ARFGEF2: variants seen among roughly 807,000 people sequenced by gnomAD.
ARFGEF2 encodes brefeldin A-inhibited guanine nucleotide-exchange protein 2.
ARFGEF2 carries 74 observed loss-of-function variants against 219.9 expected under a neutral mutation model. The observed-to-expected ratio is 0.34, with a 90% CI of 0.28 to 0.41. ARFGEF2 has a LOEUF of 0.41. Among genes scored for constraint, ARFGEF2 ranks in the 10% least tolerant of loss-of-function variants. The probability of loss-of-function intolerance (pLI) is 1.00; values close to 1 mark genes in which losing one functional copy is unlikely to be tolerated. For missense variants in ARFGEF2, 1,743 were observed against 2,218.3 expected (o/e 0.79, Z 4.30); for synonymous variants, 733 against 799.2 (o/e 0.92, Z 1.40).
intron 16 of ARFGEF2, among the ~76,000 whole-genome samples, chr20:48,986,007 C>T (rs2091324618): frequency 6.6e-6 from 1 of 152,140 alleles, no homozygotes; most frequent in African/African-American, 2.4e-5. Flanking sequence ...TAATTGCATA[C>T]TGATGAGCAG....
At chr20:49,012,508 GTTTGTTTT>G (rs1184995660) in intron 28 of ARFGEF2, among the ~76,000 whole-genome samples, 4 of 152,018 alleles carry the variant, frequency 2.6e-5, no homozygotes, top group African/African-American at 9.7e-5. Context: ...TTGTTTGTTT[GTTTGTTTT>G]TTTGATGTGT....
At chr20:48,993,759 G>GGAC (rs2091370251) in intron 21 of ARFGEF2, among the ~76,000 whole-genome samples, 1 of 152,156 alleles carries the variant, frequency 6.6e-6, no homozygotes, top group South Asian at 2.1e-4. Flanking sequence ...GCACCCCTCA[G>GGAC]GACCAGGAGA....
At chr20:49,011,225 C>G (rs993290484) in intron 27 of ARFGEF2, among the ~76,000 whole-genome samples, 1 of 152,174 alleles carries the variant, frequency 6.6e-6, no homozygotes, top group African/African-American at 2.4e-5. Flanking sequence ...AACACACATA[C>G]AACAAGGTTA....
chr20:48,965,333 C>T (rs1321730976), intron 7 of ARFGEF2, among the ~76,000 whole-genome samples: 1 of 152,126 alleles, frequency 6.6e-6, no homozygotes, highest in East Asian at 1.9e-4. Flanking sequence ...ATAAATTTTT[C>T]TTAGAGTTTC....
intron 1 of ARFGEF2, among the ~76,000 whole-genome samples, chr20:48,939,526 C>G (rs2090981067): frequency 6.6e-6 from 1 of 152,070 alleles, no homozygotes; most frequent in Non-Finnish European, 1.5e-5. Flanking sequence ...TGGCTGCCAG[C>G]CTCATGGGCT....
intron 10 of ARFGEF2, among the ~76,000 whole-genome samples, chr20:48,971,683 T>C (rs761088062): frequency 1.3e-5 from 2 of 151,962 alleles, no homozygotes; most frequent in African/African-American, 2.4e-5. Context: ...GGGCGGATCA[T>C]GAGGTCAGGA....
intron 26 of ARFGEF2, among the ~76,000 whole-genome samples, chr20:49,006,877 G>GTTTTTTTTTTTTTTTTTT (rs763801014): frequency 6.8e-6 from 1 of 147,030 alleles, no homozygotes; most frequent in Non-Finnish European, 1.5e-5. Flanking sequence ...GCCGTTGGAG[G>GTTTTTTTTTTTTTTTTTT]TTTTTGTTTT....
chr20:48,995,821 G>A lies in ARFGEF2; in HGVS notation c.3160G>A (p.Ala1054Thr), dbSNP rs746141039. Residue 1054 changes from alanine to threonine, a missense_variant, in exon 23 of 39, where the codon GCC becomes ACC. By Grantham distance (58) the Ala-to-Thr change is moderately conservative (BLOSUM62 0). Transcript: ENST00000371917. ...TGGCGGAGTGGATAAAAGACAGATGGCCAGCTTCCAAGAATCGGTTGGTGA... is the reference window on the plus strand; with the variant it reads ...TGGCGGAGTGGATAAAAGACAGATGACCAGCTTCCAAGAATCGGTTGGTGA... Reference protein sequence around the residue: ...VSGGVDKRQMASFQESVGETS... With the variant: ...VSGGVDKRQMTSFQESVGETS... The A allele has an allele frequency of 1.2e-6, 2 of 1,614,038 alleles. No homozygotes were observed. Among genetic ancestry groups the A allele is most frequent in the Non-Finnish European group, 1.7e-6 (2 of 1,180,034 alleles).
chr20:48,969,160 A>G lies in ARFGEF2; in HGVS notation c.1073A>G (p.Gln358Arg). The G allele has an allele frequency of 6.2e-7, 1 of 1,614,062 alleles. No homozygotes were observed. The highest frequency in any genetic ancestry group is 8.5e-7 in the Non-Finnish European group (1 of 1,179,968). Residue 358 changes from glutamine (Q) to arginine (R), a missense_variant, in exon 9 of 39, where the codon CAA (glutamine) becomes CGA (arginine). By Grantham distance (43) the Gln-to-Arg change is conservative. Coordinates refer to ENST00000371917, the MANE Select transcript of ARFGEF2 (RefSeq NM_006420.3). Reference protein sequence around the residue: ...SSADNLESDAQGHQVAARFSH... With the variant: ...SSADNLESDARGHQVAARFSH... ...TTCTGATCCTAGGAATCGGATGCAC[A>G]AGGACATCAAGTGGCTGCCAGGTTC...
chr20:49,002,963 AC>A (rs1279345630), intron 25 of ARFGEF2, among the ~76,000 whole-genome samples: 1 of 102,570 alleles, frequency 9.7e-6, no homozygotes. Flanking sequence ...TATTTTTTTA[AC>A]TTTTTTTTTT....
chr20:49,009,857 CA>C (rs2091485611), intron 26 of ARFGEF2, among the ~76,000 whole-genome samples: 2 of 152,180 alleles, frequency 1.3e-5, no homozygotes, highest in Non-Finnish European at 1.5e-5. Flanking sequence ...AACTGACCAG[CA>C]GTGACTTAAA....
chr20:48,960,856 C>T (rs1190228780), intron 6 of ARFGEF2, among the ~76,000 whole-genome samples: 4 of 150,744 alleles, frequency 2.7e-5, no homozygotes, highest in African/African-American at 9.7e-5. Context: ...CCGAGGCAGG[C>T]AGATCACGAG....
chr20:49,008,707 GTT>G (rs796608906), intron 26 of ARFGEF2, among the ~76,000 whole-genome samples: 57 of 132,418 alleles, frequency 4.3e-4, no homozygotes, highest in African/African-American at 1.2e-3. Context: ...TCATGTAAAG[GTT>G]TTTTTTTTTT....
intron 12 of ARFGEF2, among the ~76,000 whole-genome samples, chr20:48,974,208 C>T (rs980572574): frequency 1.4e-5 from 2 of 141,854 alleles, no homozygotes; most frequent in Non-Finnish European, 3.0e-5. Context: ...TCACTGCAAC[C>T]TCCACCTCCC....
chr20:48,975,855 A>G (rs1281769967), intron 13 of ARFGEF2, among the ~76,000 whole-genome samples, 161 bp from the exon 14 acceptor site: 1 of 152,098 alleles, frequency 6.6e-6, no homozygotes, highest in Non-Finnish European at 1.5e-5. Context: ...GTTTTTAAGT[A>G]AAGTATCTGA....
rs777290585 is a variant in ARFGEF2, at chr20:48,985,568, G to T, written c.2231G>T (p.Arg744Leu). 4 of 1,614,192 alleles carry T rather than the reference G, an allele frequency of 2.5e-6. No homozygotes were observed. In the Admixed American group the frequency reaches 5.0e-5, roughly 20 times the overall value. The change falls in exon 16 of 39, where the codon CGA (arginine) becomes CTA (leucine). Residue 744 changes from arginine to leucine, a missense_variant. By Grantham distance (102) the Arg-to-Leu change is moderately radical. Transcript: ENST00000371917. Reference sequence around the variant, plus strand: ...CCTGGAGAAGCCCAAAAGATTGACCGATTAATGGAGAAGTTTGCCGCAAGA... The same window carrying T: ...CCTGGAGAAGCCCAAAAGATTGACCTATTAATGGAGAAGTTTGCCGCAAGA... ...RLPGEAQKIDRLMEKFAARYI... is the reference protein window; with the variant it reads ...RLPGEAQKIDLLMEKFAARYI...
At chr20:48,980,947 G>A (rs187686807) in intron 14 of ARFGEF2, among the ~76,000 whole-genome samples, 2 of 152,300 alleles carry the variant, frequency 1.3e-5, no homozygotes, top group East Asian at 1.9e-4. Context: ...TTGCCAGTCT[G>A]TGTCTTTTAA....
At chr20:49,017,969 G>A (rs569986765) in intron 33 of ARFGEF2, among the ~76,000 whole-genome samples, 2 of 152,220 alleles carry the variant, frequency 1.3e-5, no homozygotes, top group African/African-American at 4.8e-5. Flanking sequence ...TTTCAACATT[G>A]TAAATAGTGC....
At chr20:48,987,160 C>G (rs939512569) in intron 16 of ARFGEF2, among the ~76,000 whole-genome samples, 1 of 152,236 alleles carries the variant, frequency 6.6e-6, no homozygotes, top group African/African-American at 2.4e-5. Context: ...TTAGAACTCT[C>G]TATGAAGGCA....
Sources: gnomAD v4.1 joint callset for allele counts (sites outside exome capture counted in the v4.1 genomes callset) on GRCh38, gnomAD v4.1.1 for gene constraint, MANE v1.5 for transcripts, NCBI Gene and HGNC (gene_info 2026-07-23, HGNC 2026-07-21) for gene names.